BRWD1: variants seen among roughly 807,000 people sequenced by gnomAD.
BRWD1 encodes the protein bromodomain and WD repeat-containing protein 1.
BRWD1 carries 82 observed loss-of-function variants against 251.2 expected under a neutral mutation model. The ratio of observed to expected loss-of-function variants is 0.33; its 90% CI spans 0.27 to 0.39. The LOEUF is 0.39. BRWD1 is among the 10% of genes least tolerant of loss of function. BRWD1 has a pLI of 1.00. For missense variants in BRWD1, 2,233 were observed against 2,711.6 expected (o/e 0.82, Z 3.92); for synonymous variants, 918 against 902.8 (o/e 1.02, Z -0.30).
At chr21:39,309,041 G>A (rs543262152) in intron 4 of BRWD1, among the ~76,000 whole-genome samples, 1 of 152,210 alleles carries the variant, frequency 6.6e-6, no homozygotes, top group African/African-American at 2.4e-5. Context: ...GGGCATAGTG[G>A]TGTGCGCCTG....
At chr21:39,221,594 T>A (rs1040401301) in intron 29 of BRWD1, among the ~76,000 whole-genome samples, 3 of 152,082 alleles carry the variant, frequency 2.0e-5, no homozygotes, top group Non-Finnish European at 2.9e-5. Flanking sequence ...CAGAAGAAAT[T>A]ATGATATCCC....
Position 39,199,410 on chromosome 21 carries a change from ACAG to A in BRWD1, c.5003_5005del (p.Ala1668del). 6.2e-7 allele frequency: 1 copy of A among 1,614,224 alleles called. No individual in the cohort carries two copies. Among genetic ancestry groups the A allele is most frequent in the Non-Finnish European group, 8.5e-7 (1 of 1,180,036 alleles). On this transcript the variant is annotated inframe_deletion, in exon 40 of 41. Transcript: ENST00000342449. ...ATTATGTAATAACTTTTTTCTAGCT[ACAG>A]CAGAAGCATTGCGGTGAGGCAGCTT...
chr21:39,273,423 A>G (rs2035180988), intron 13 of BRWD1, among the ~76,000 whole-genome samples: 1 of 152,220 alleles, frequency 6.6e-6, no homozygotes, highest in Non-Finnish European at 1.5e-5. Flanking sequence ...GATCAAATTT[A>G]TTTTGAAAAT....
intron 3 of BRWD1, 33 bp from the exon 4 acceptor site, chr21:39,312,933 C>A (rs746274311): frequency 1.2e-6 from 1 of 843,870 alleles, no homozygotes; most frequent in South Asian, 3.0e-5. Flanking sequence ...CGAGTGACCA[C>A]CCCTCCGGCG....
chr21:39,266,549 T>G (rs1293106074), intron 15 of BRWD1, among the ~76,000 whole-genome samples: 1 of 152,214 alleles, frequency 6.6e-6, no homozygotes, highest in Non-Finnish European at 1.5e-5. Flanking sequence ...ACATGTGGAC[T>G]TAACAGCACC....
At position 39,190,019 on chromosome 21, in the gene BRWD1, C is replaced by G; in HGVS notation, c.*6240G>C. The G allele has an allele frequency of 1.0e-6, 1 of 985,298 alleles. No individual in the cohort carries two copies. The highest frequency in any genetic ancestry group is 1.2e-6 in the Non-Finnish European group (1 of 829,884). 61.0% of individuals were successfully genotyped at this position (985,298 alleles called of 1,614,324 possible). On this transcript the variant is annotated 3_prime_UTR_variant, in exon 41 of 41. Transcript: ENST00000342449. ...GAAGTGATTCCCTACTTGGGTATGG[C>G]AAGAACACATCAGTAGTGTAAAACT... is the stretch of plus-strand genomic sequence containing the variant.
chr21:39,270,605 G>A (rs898238586), intron 13 of BRWD1, among the ~76,000 whole-genome samples, 172 bp from the exon 14 acceptor site: 13 of 152,194 alleles, frequency 8.5e-5, no homozygotes, highest in Admixed American at 8.5e-4. Context: ...ACAGGTGAGG[G>A]CAAAACCTGA....
chr21:39,202,265 C>A lies in BRWD1; in HGVS notation c.4585+60G>T, dbSNP rs2836938. 3.2e-6 allele frequency: 4 copies of A among 1,238,326 alleles called. No individual in the cohort carries two copies. In the East Asian group the frequency reaches 9.5e-5, roughly 29 times the overall value. 76.7% of individuals were successfully genotyped at this position (1,238,326 alleles called of 1,614,324 possible). On this transcript the variant is annotated intron_variant, in intron 38 of 40. Coordinates refer to ENST00000342449, the MANE Select transcript of BRWD1 (RefSeq NM_033656.4). ...ATATTTTCCTCTAAATCTCTAGTAACGGCCAGTGTTACACATTTGGGTGCT... is the reference window on the plus strand; with the variant it reads ...ATATTTTCCTCTAAATCTCTAGTAAAGGCCAGTGTTACACATTTGGGTGCT...
chr21:39,205,081 A>G (rs2032323366), intron 37 of BRWD1, among the ~76,000 whole-genome samples: 1 of 152,240 alleles, frequency 6.6e-6, no homozygotes, highest in Non-Finnish European at 1.5e-5. Context: ...CAACAGCTCT[A>G]TATTCACAGA....
chr21:39,198,856 T>A lies in BRWD1; in HGVS notation c.5560A>T (p.Ile1854Phe). 2 of 1,613,808 alleles carry A rather than the reference T, an allele frequency of 1.2e-6. No homozygotes were observed. The highest frequency in any genetic ancestry group is 1.7e-6 in the Non-Finnish European group (2 of 1,179,700). The change falls in exon 40 of 41, where the codon ATT becomes TTT. Residue 1854 changes from isoleucine to phenylalanine, a missense_variant. This residue lies in a region of BRWD1 where 928 missense variants were observed against 970.0 expected (regional missense o/e 0.96). Coordinates refer to ENST00000342449, the MANE Select transcript of BRWD1 (RefSeq NM_033656.4). The stretch of plus-strand genomic sequence containing the variant: ...TCTGAGGAACACTGGGACATAGCAA[T>A]AGGGTCACAGTTCAGATTTCCTGAA... ...PISGNLNCDP[I>F]AMSQCSSDHG...
intron 39 of BRWD1, among the ~76,000 whole-genome samples, chr21:39,199,921 T>G (rs2032023753): frequency 6.6e-6 from 1 of 152,154 alleles, no homozygotes; most frequent in Non-Finnish European, 1.5e-5. Flanking sequence ...TGGCTAATTT[T>G]TTGTATTTTT....
At chr21:39,272,300 TTAAATAAA>T (rs1170051088) in intron 13 of BRWD1, among the ~76,000 whole-genome samples, 1 of 117,414 alleles carries the variant, frequency 8.5e-6, no homozygotes, top group Non-Finnish European at 1.7e-5. Context: ...ACCCTAAAAC[TTAAATAAA>T]TAAAAAAAAA....
rs1364810806 is a variant in BRWD1 at position 39,194,551 on chromosome 21, T to G, written c.*1708A>C. On this transcript the variant is annotated 3_prime_UTR_variant, in exon 41 of 41. Transcript: ENST00000342449. ...TCTCTAAGCCACAAATGAGAGGAGG[T>G]TTCCCACCTATCTCAGTTGATAATG... The G allele has an allele frequency of 6.2e-6, 9 of 1,443,710 alleles. No individual in the cohort carries two copies. Among genetic ancestry groups the G allele is most frequent in the Non-Finnish European group, 8.1e-6 (9 of 1,104,594 alleles). The allele number at this position is 1,443,710 out of a possible 1,614,324, so 89.4% of individuals were successfully genotyped here.
intron 17 of BRWD1, among the ~76,000 whole-genome samples, chr21:39,264,087 C>A (rs545412134): frequency 3.3e-5 from 5 of 152,244 alleles, no homozygotes; most frequent in African/African-American, 9.6e-5. Context: ...TGACAACTAA[C>A]TTTCGTATTT....
Position 39,258,540 on chromosome 21 carries a change from T to A in BRWD1, c.2018A>T (p.Asp673Val), listed in dbSNP as rs1168389391. Residue 673 changes from aspartate (D) to valine (V), a missense_variant, in exon 18 of 41, where the codon GAT becomes GTT. Around this residue, in one of 12 missense-constraint regions of BRWD1, gnomAD observed 73 missense variants for 68.1 expected, o/e 1.07. Coordinates refer to ENST00000342449, the MANE Select transcript of BRWD1 (RefSeq NM_033656.4). ...QQQQDQRMGA[D>V]QDTIPRGLSN... ...AAGTCCTCTTGGAATAGTATCCTGA[T>A]CTGCTCCCATTCTCTGATCTTGCTG... 5 of 1,613,186 alleles carry A rather than the reference T, an allele frequency of 3.1e-6. No individual in the cohort carries two copies. The highest frequency in any genetic ancestry group is 4.2e-6 in the Non-Finnish European group (5 of 1,179,566).
chr21:39,218,867 C>G (rs1490951395), intron 29 of BRWD1, among the ~76,000 whole-genome samples: 2 of 152,094 alleles, frequency 1.3e-5, no homozygotes, highest in Non-Finnish European at 1.5e-5. Context: ...CCTACCCTAA[C>G]AAATTAAAAA....
intron 38 of BRWD1, among the ~76,000 whole-genome samples, chr21:39,201,888 C>T (rs1283264776): frequency 1.3e-5 from 2 of 152,182 alleles, no homozygotes; most frequent in East Asian, 3.8e-4. Context: ...CAGAGCAGTA[C>T]AGAAATAGAT....
chr21:39,308,300 G>T (rs2036354798), intron 4 of BRWD1, among the ~76,000 whole-genome samples: 1 of 152,008 alleles, frequency 6.6e-6, no homozygotes, highest in Non-Finnish European at 1.5e-5. Context: ...GGGCCAACAT[G>T]GTGAAACCCC....
chr21:39,261,643 G>C (rs374055540), intron 17 of BRWD1, among the ~76,000 whole-genome samples: 3 of 152,146 alleles, frequency 2.0e-5, no homozygotes, highest in African/African-American at 7.2e-5. Flanking sequence ...ATACACCTAT[G>C]GGTCTGCAAA....
Sources: allele counts gnomAD v4.1 joint callset (sites outside exome capture counted in the v4.1 genomes callset), GRCh38; gene constraint gnomAD v4.1.1; regional missense constraint gnomAD v4.1.1; transcripts MANE v1.5; gene names NCBI Gene and HGNC (gene_info 2026-07-23, HGNC 2026-07-21).